Variants in EYA1 observed in about 807,000 individuals in gnomAD.
The protein encoded by EYA1 is protein phosphatase EYA1.
In EYA1, 16 loss-of-function variants were observed where a neutral mutation model predicts 82.0. The observed-to-expected ratio is 0.20, with a 90% CI of 0.13 to 0.30. EYA1 has a LOEUF of 0.30. Ranked by LOEUF, EYA1 falls within the 10% of genes least tolerant of loss-of-function variation. The pLI is 1.00. For synonymous variants in EYA1, 261 were observed against 264.4 expected (o/e 0.99, Z 0.12); for missense variants, 633 against 730.7 (o/e 0.87, Z 1.54).
intron 9 of EYA1, among the ~76,000 whole-genome samples, chr8:71,297,363 C>T (rs1179918018): frequency 6.6e-6 from 1 of 151,934 alleles, no homozygotes; most frequent in African/African-American, 2.4e-5. Flanking sequence ...GACCAAATGG[C>T]CTTTTCAAAA....
intron 3 of EYA1, among the ~76,000 whole-genome samples, chr8:71,351,674 A>G (rs566145625): frequency 6.6e-6 from 1 of 152,218 alleles, no homozygotes; most frequent in Non-Finnish European, 1.5e-5. Flanking sequence ...GAAAATAGGC[A>G]CTAGCCTGTG....
At chr8:71,392,551 A>G (rs1829339715) in intron 2 of EYA1, among the ~76,000 whole-genome samples, 1 of 152,184 alleles carries the variant, frequency 6.6e-6, no homozygotes, top group African/African-American at 2.4e-5. Context: ...TAATGAGGTG[A>G]GAGATAGGCT....
intron 2 of EYA1, among the ~76,000 whole-genome samples, chr8:71,493,393 C>G (rs1011936007): frequency 2.0e-5 from 3 of 152,202 alleles, no homozygotes; most frequent in African/African-American, 7.2e-5. Context: ...AGTTACAACA[C>G]CTGGAATTGT....
chr8:71,249,213 T>C (rs561495050), intron 11 of EYA1, among the ~76,000 whole-genome samples: 62 of 152,078 alleles, frequency 4.1e-4, no homozygotes, highest in Non-Finnish European at 7.8e-4. Context: ...CAATCTTTTA[T>C]GGGCATTTTC....
At chr8:71,319,492 G>T (rs754102202) in intron 6 of EYA1, among the ~76,000 whole-genome samples, 1 of 151,974 alleles carries the variant, frequency 6.6e-6, no homozygotes, top group Non-Finnish European at 1.5e-5. Context: ...TTTGTGATAA[G>T]AACATGTAAG....
At position 71,211,229 on chromosome 8, in the gene EYA1, A is replaced by C. The variant is rs1410459961; in HGVS notation, c.1625T>G (p.Ile542Ser). The C allele has an allele frequency of 6.2e-7, 1 of 1,613,016 alleles. No homozygotes were observed. Among genetic ancestry groups the C allele is most frequent in the Non-Finnish European group, 8.5e-7 (1 of 1,179,104 alleles). Residue 542 changes from isoleucine to serine, a missense_variant, in exon 17 of 18, where the codon ATT (isoleucine) becomes AGT (serine). By Grantham distance (142) the Ile-to-Ser change is moderately radical (BLOSUM62 -2). Coordinates refer to ENST00000340726, the MANE Select transcript of EYA1 (RefSeq NM_000503.6). ...IGKESCFERIIQRFGRKVVYV... is the reference protein window; with the variant it reads ...IGKESCFERISQRFGRKVVYV... ...CACCACTTTTCTTCCAAACCTTTGA[A>C]TTATTCTCTCAAAACAGCTTTCTTT...
intron 12 of EYA1, among the ~76,000 whole-genome samples, chr8:71,229,500 T>G (rs1350561020): frequency 1.3e-5 from 2 of 152,202 alleles, no homozygotes; most frequent in Admixed American, 1.3e-4. Context: ...ACTTATTTTC[T>G]AACGCTGGAC....
At chr8:71,433,821 A>T (rs1224170354) in intron 2 of EYA1, among the ~76,000 whole-genome samples, 2 of 152,216 alleles carry the variant, frequency 1.3e-5, no homozygotes, top group African/African-American at 4.8e-5. Flanking sequence ...TCTGAGTGAC[A>T]AGTGAGAAGC....
At chr8:71,293,942 G>C (rs1819291915) in intron 9 of EYA1, among the ~76,000 whole-genome samples, 1 of 150,158 alleles carries the variant, frequency 6.7e-6, no homozygotes, top group South Asian at 2.1e-4. Context: ...AATGCAATAA[G>C]AAAATAAAAG....
intron 2 of EYA1, among the ~76,000 whole-genome samples, chr8:71,513,319 TAAA>T (rs1288433393): frequency 6.6e-6 from 1 of 152,164 alleles, no homozygotes; most frequent in Non-Finnish European, 1.5e-5. Context: ...GATTATAACT[TAAA>T]AAATAACTGT....
intron 1 of EYA1, among the ~76,000 whole-genome samples, chr8:71,539,811 A>G (rs1180588829): frequency 6.6e-6 from 1 of 152,216 alleles, no homozygotes; most frequent in Non-Finnish European, 1.5e-5. Context: ...AGTGGAAAGG[A>G]GTTGAAATCA....
chr8:71,491,314 T>C (rs1014780048), intron 2 of EYA1, among the ~76,000 whole-genome samples: 4 of 152,152 alleles, frequency 2.6e-5, no homozygotes, highest in Admixed American at 6.5e-5. Flanking sequence ...AACTCTGTAG[T>C]TACGTGCAGG....
chr8:71,335,674 C>T (rs1824401792), intron 3 of EYA1, among the ~76,000 whole-genome samples: 1 of 152,090 alleles, frequency 6.6e-6, no homozygotes, highest in African/African-American at 2.4e-5. Context: ...ACCAGACAAC[C>T]TAATGATTTT....
At chr8:71,451,612 T>C (rs1460167038) in intron 2 of EYA1, among the ~76,000 whole-genome samples, 1 of 152,240 alleles carries the variant, frequency 6.6e-6, no homozygotes, top group Non-Finnish European at 1.5e-5. Context: ...AAACTATTTT[T>C]ACATATCTTT....
At chr8:71,380,612 C>T (rs1024822033) in intron 2 of EYA1, among the ~76,000 whole-genome samples, 6 of 152,188 alleles carry the variant, frequency 3.9e-5, no homozygotes, top group Non-Finnish European at 8.8e-5. Flanking sequence ...GAATGTCCAG[C>T]CCCTACTGTC....
intron 2 of EYA1, among the ~76,000 whole-genome samples, chr8:71,374,403 C>T (rs77012837): frequency 0.035 from 5,283 of 152,136 alleles, 164 homozygotes; most frequent in African/African-American, 0.088. Context: ...CACTAATCAT[C>T]GGGGAAATGC....
chr8:71,249,861 C>T (rs1008778247), intron 11 of EYA1, among the ~76,000 whole-genome samples: 10 of 152,258 alleles, frequency 6.6e-5, no homozygotes, highest in South Asian at 2.1e-4. Flanking sequence ...CATCACATTT[C>T]GTCTGGACAC....
intron 9 of EYA1, among the ~76,000 whole-genome samples, chr8:71,273,632 T>C (rs1225179912): frequency 6.6e-6 from 1 of 152,228 alleles, no homozygotes; most frequent in African/African-American, 2.4e-5. Context: ...TACGTCTCCA[T>C]GCAGAACCAG....
At chr8:71,308,990 G>C (rs1225091105) in intron 7 of EYA1, among the ~76,000 whole-genome samples, 1 of 152,220 alleles carries the variant, frequency 6.6e-6, no homozygotes, top group East Asian at 1.9e-4. Flanking sequence ...CTATGTGGCA[G>C]AAGTTAGTGC....
Sources: gnomAD v4.1 joint callset for allele counts (sites outside exome capture counted in the v4.1 genomes callset) on GRCh38, gnomAD v4.1.1 for gene constraint, MANE v1.5 for transcripts, NCBI Gene and HGNC (gene_info 2026-07-23, HGNC 2026-07-21) for gene names.